Variants in RBFOX1 observed in about 807,000 individuals in gnomAD.
The protein encoded by RBFOX1 is RNA binding fox-1 homolog 1.
RBFOX1 carries 8 observed loss-of-function variants against 57.7 expected under a neutral mutation model. The observed-to-expected ratio is 0.14, with a 90% CI of 0.08 to 0.25. The LOEUF is 0.25. Among genes scored for constraint, RBFOX1 ranks in the 10% least tolerant of loss-of-function variants. RBFOX1 has a pLI of 1.00. For synonymous variants in RBFOX1, 326 were observed against 222.4 expected, an observed-to-expected ratio of 1.47 and a Z score of -4.15; for missense variants, 611 against 548.5, an observed-to-expected ratio of 1.11 and a Z score of -1.14.
chr16:6,773,935 TTGTG>T (rs893784121), intron 3 of RBFOX1: 3 of 984,932 alleles, frequency 3.0e-6, no homozygotes, highest in South Asian at 9.4e-5. Context: ...TGGAGTGTGT[TTGTG>T]TGTGTGCACA....
At chr16:5,495,477 G>A (rs555918543) in intron 2 of RBFOX1, among the ~76,000 whole-genome samples, 2 of 152,240 alleles carry the variant, frequency 1.3e-5, no homozygotes, top group South Asian at 2.1e-4. Context: ...TCCAACACTT[G>A]GGATCACAGT....
intron 1 of RBFOX1, among the ~76,000 whole-genome samples, chr16:6,259,927 C>G (rs1419353993): frequency 6.7e-6 from 1 of 148,748 alleles, no homozygotes; most frequent in African/African-American, 2.5e-5. Flanking sequence ...TGCCACTGAA[C>G]TCTAGTCTTG....
chr16:6,370,307 G>A (rs1329055074), intron 2 of RBFOX1, among the ~76,000 whole-genome samples: 1 of 132,956 alleles, frequency 7.5e-6, no homozygotes, highest in East Asian at 2.4e-4. Context: ...GCAGTGAGCC[G>A]AGATCATGCC....
intron 3 of RBFOX1, among the ~76,000 whole-genome samples, chr16:6,997,698 T>G (rs72776237): frequency 3.9e-5 from 6 of 152,294 alleles, no homozygotes; most frequent in African/African-American, 7.2e-5. Flanking sequence ...AAGAAAACTT[T>G]TGGTTAATGA....
At chr16:7,062,485 G>A (rs906005307) in intron 4 of RBFOX1, among the ~76,000 whole-genome samples, 8 of 151,912 alleles carry the variant, frequency 5.3e-5, no homozygotes, top group Admixed American at 2.6e-4. Flanking sequence ...TGCAGTATAT[G>A]CTTCCTTGTT....
intron 1 of RBFOX1, among the ~76,000 whole-genome samples, chr16:5,300,778 C>G (rs1450288173): frequency 2.0e-5 from 3 of 152,104 alleles, no homozygotes; most frequent in African/African-American, 7.2e-5. Flanking sequence ...AATTTATTCA[C>G]AAAATCAATG....
chr16:6,658,240 T>G (rs1470571119), intron 3 of RBFOX1, among the ~76,000 whole-genome samples: 1 of 150,650 alleles, frequency 6.6e-6, no homozygotes, highest in East Asian at 1.9e-4. Flanking sequence ...AAGAGAGCCT[T>G]CATTTTTTTT....
intron 3 of RBFOX1, among the ~76,000 whole-genome samples, chr16:5,761,715 C>T (rs894826564): frequency 6.6e-6 from 1 of 152,148 alleles, no homozygotes; most frequent in Admixed American, 6.6e-5. Flanking sequence ...AGCTATAATT[C>T]AAGATGACAT....
At position 7,419,291 on chromosome 16, in the gene RBFOX1, A is replaced by G. The variant is rs9921403; in HGVS notation, c.28-98856A>G. 6.0e-3 allele frequency among the ~76,000 whole-genome samples: 909 copies of G among 152,200 alleles called. 8 individuals carry two copies. The highest frequency in any genetic ancestry group is 0.02 in the African/African-American group (844 of 41,520). The stretch of plus-strand genomic sequence containing the variant: ...TCCCTTTACCTGTTGTTCCTCTTCA[A>G]TCATTGCAACAGTGACACTCCCCTT... On this transcript the variant is annotated intron_variant, in intron 4 of 15. Coordinates refer to ENST00000550418, the MANE Select transcript of RBFOX1 (RefSeq NM_018723.4).
At chr16:5,270,536 G>T in intron 1 of RBFOX1, 1 of 615,034 alleles carries the variant, frequency 1.6e-6, no homozygotes, top group Non-Finnish European at 3.0e-6. Flanking sequence ...AACAATGATT[G>T]AAACTCATGT....
intron 3 of RBFOX1, among the ~76,000 whole-genome samples, chr16:6,798,993 AAAG>A (rs1279088527): frequency 6.6e-6 from 1 of 152,130 alleles, no homozygotes; most frequent in Non-Finnish European, 1.5e-5. Context: ...CTTTTAGGAA[AAAG>A]AAGAATGGGT....
intron 4 of RBFOX1, among the ~76,000 whole-genome samples, chr16:7,293,724 A>G (rs1464643033): frequency 6.6e-6 from 1 of 152,094 alleles, no homozygotes; most frequent in Non-Finnish European, 1.5e-5. Flanking sequence ...TCTACCCAAT[A>G]CCCGATACAT....
At chr16:6,478,417 A>AT (rs2095312995) in intron 2 of RBFOX1, among the ~76,000 whole-genome samples, 2 of 16,458 alleles carry the variant, frequency 1.2e-4, no homozygotes, top group African/African-American at 4.4e-4. Context: ...ATATATATAT[A>AT]TATATATATA....
chr16:6,401,696 T>C (rs1035320104), intron 2 of RBFOX1, among the ~76,000 whole-genome samples: 5 of 152,158 alleles, frequency 3.3e-5, no homozygotes, highest in African/African-American at 1.2e-4. Flanking sequence ...AGTGACTCCA[T>C]TGTTCTTAGA....
chr16:5,472,879 G>T (rs1166305944), intron 2 of RBFOX1, among the ~76,000 whole-genome samples: 1 of 152,198 alleles, frequency 6.6e-6, no homozygotes, highest in Non-Finnish European at 1.5e-5. Context: ...ACTTCCAGAG[G>T]AACTCAGGTT....
At chr16:7,290,175 A>C (rs1405114225) in intron 4 of RBFOX1, among the ~76,000 whole-genome samples, 1 of 152,216 alleles carries the variant, frequency 6.6e-6, no homozygotes, top group Non-Finnish European at 1.5e-5. Flanking sequence ...TAAAAGATGC[A>C]TTTTATGACT....
chr16:5,967,534 G>A (rs1257398771), intron 4 of RBFOX1, among the ~76,000 whole-genome samples: 1 of 152,042 alleles, frequency 6.6e-6, no homozygotes, highest in East Asian at 1.9e-4. Context: ...GTTATTCATC[G>A]TTTCTATGCC....
At chr16:7,019,897 A>T (rs2094119432) in intron 3 of RBFOX1, among the ~76,000 whole-genome samples, 1 of 151,986 alleles carries the variant, frequency 6.6e-6, no homozygotes, top group Non-Finnish European at 1.5e-5. Flanking sequence ...GTTCCAACTA[A>T]ACCCTGCTCT....
rs189157756 is a variant in RBFOX1 at position 7,149,601 on chromosome 16, C to G, written c.27+97503C>G. On this transcript the variant is annotated intron_variant, in intron 4 of 15. Transcript: ENST00000550418. ...CCCAGGCTCAAAAGATCCTCTCACC[C>G]CAGCCTCCTGAGTAGCTGGGATTAC... 2.0e-3 allele frequency among the ~76,000 whole-genome samples: 306 copies of G among 151,738 alleles called. 3 individuals are homozygous for G. The highest frequency in any genetic ancestry group is 6.9e-3 in the African/African-American group (284 of 41,352).
Sources: gnomAD v4.1 joint callset for allele counts (sites outside exome capture counted in the v4.1 genomes callset) on GRCh38, gnomAD v4.1.1 for gene constraint, MANE v1.5 for transcripts, NCBI Gene and HGNC (gene_info 2026-07-23, HGNC 2026-07-21) for gene names.